The following ALPK1 variants were observed in gnomAD, a reference collection of about 807,000 sequenced individuals.
ALPK1 encodes alpha kinase 1, also known as alpha-protein kinase 1.
ALPK1 carries 110 observed loss-of-function variants against 120.6 expected under a neutral mutation model. The observed-to-expected ratio is 0.91, with a 90% CI of 0.78 to 1.07. The LOEUF (loss-of-function observed/expected upper bound fraction) is 1.07, where lower values mean the gene tolerates loss of function less well. ALPK1 is among the 50% of genes least tolerant of loss of function. The pLI is 0.00. For synonymous variants in ALPK1, 582 were observed against 560.3 expected, an observed-to-expected ratio of 1.04 and a Z score of -0.55; for missense variants, 1,498 against 1,483.9, an observed-to-expected ratio of 1.01 and a Z score of -0.16.
chr4:112,390,681 T>C (rs1291737816), intron 4 of ALPK1, among the ~76,000 whole-genome samples: 4 of 152,184 alleles, frequency 2.6e-5, no homozygotes. Context: ...GCATGTGTGT[T>C]GAAATATATA....
At chr4:112,343,930 C>T (rs1453139845) in intron 2 of ALPK1, among the ~76,000 whole-genome samples, 1 of 152,192 alleles carries the variant, frequency 6.6e-6, no homozygotes, top group Non-Finnish European at 1.5e-5. Context: ...ATCCAGTTTA[C>T]CTCAGAGGTC....
chr4:112,408,960 T>C (rs989068603), intron 4 of ALPK1, among the ~76,000 whole-genome samples: 3 of 152,196 alleles, frequency 2.0e-5, no homozygotes, highest in Non-Finnish European at 2.9e-5. Context: ...GCATACTAAA[T>C]GAGACATGTA....
intron 4 of ALPK1, among the ~76,000 whole-genome samples, chr4:112,402,514 C>G (rs1184393522): frequency 6.6e-6 from 1 of 152,196 alleles, no homozygotes; most frequent in Non-Finnish European, 1.5e-5. Flanking sequence ...TCCTTTACCA[C>G]CTGACTCAGC....
intron 1 of ALPK1, among the ~76,000 whole-genome samples, chr4:112,308,500 A>G (rs1327280338): frequency 1.3e-5 from 2 of 151,874 alleles, no homozygotes; most frequent in Non-Finnish European, 2.9e-5. Flanking sequence ...CATTCATTTG[A>G]TCTTCAATCA....
At chr4:112,309,903 T>G (rs1212418667) in intron 1 of ALPK1, among the ~76,000 whole-genome samples, 5 of 152,260 alleles carry the variant, frequency 3.3e-5, no homozygotes, top group African/African-American at 1.2e-4. Flanking sequence ...GTGGCCACTT[T>G]GTCCTGTTAG....
intron 2 of ALPK1, among the ~76,000 whole-genome samples, chr4:112,367,528 G>C (rs1276669022): frequency 6.6e-6 from 1 of 152,138 alleles, no homozygotes; most frequent in Non-Finnish European, 1.5e-5. Context: ...GTAATCTAGA[G>C]ATGATTTAAA....
intron 4 of ALPK1, among the ~76,000 whole-genome samples, chr4:112,410,152 TTG>T (rs1227702951): frequency 1.3e-5 from 2 of 152,188 alleles, no homozygotes; most frequent in Non-Finnish European, 2.9e-5. Context: ...ATCTCTGAAC[TTG>T]CTTTGTGCAA....
chr4:112,434,785 T>G (rs1348165223), intron 11 of ALPK1, among the ~76,000 whole-genome samples: 1 of 152,192 alleles, frequency 6.6e-6, no homozygotes. Context: ...AATAGTAAGT[T>G]GCAAGCATGT....
intron 5 of ALPK1, among the ~76,000 whole-genome samples, chr4:112,420,327 G>T (rs1202575663): frequency 6.6e-6 from 1 of 152,158 alleles, no homozygotes; most frequent in Non-Finnish European, 1.5e-5. Flanking sequence ...CAAAGTTAGT[G>T]GCCTAAAACA....
At position 112,412,011 on chromosome 4, in the gene ALPK1, TC is replaced by T. The variant is rs1560676320; in HGVS notation, c.462del (p.Ser155ProfsTer2). The part of the protein sequence containing the change: ...APQVVIRQAR[I>X]SVNSGKLLKA... ...CAGGTGGTTATTCGCCAAGCCCGAATCTCCGTGAACTCAGGTATGCTCCCTC... is the reference window on the plus strand; with the variant it reads ...CAGGTGGTTATTCGCCAAGCCCGAATTCCGTGAACTCAGGTATGCTCCCTC... On this transcript the variant is annotated frameshift_variant, in exon 5 of 16. Transcript: ENST00000650871. LOFTEE classifies it high-confidence loss of function. 6.2e-7 allele frequency: 1 copy of T among 1,614,020 alleles called. No individual in the cohort carries two copies. The highest frequency in any genetic ancestry group is 1.1e-5 in the South Asian group (1 of 91,074).
chr4:112,369,478 C>T (rs1578507912), intron 2 of ALPK1, among the ~76,000 whole-genome samples: 1 of 152,092 alleles, frequency 6.6e-6, no homozygotes, highest in African/African-American at 2.4e-5. Flanking sequence ...GACCAGAATA[C>T]CTTTTCCTAT....
In ALPK1 at chr4:112,435,142, T is replaced by TC. The variant is rs1734733701; in HGVS notation, c.3035-3dup. On this transcript the variant is annotated splice_region_variant and splice_polypyrimidine_tract_variant and intron_variant, in intron 11 of 15. Transcript: ENST00000650871. ...TAAGATTCATTTTCATCTTTTTTTT[T>TC]CCCAGGTGCTCTTTTGTTAAAATAT... 4 of 1,596,684 alleles carry TC rather than the reference T, an allele frequency of 2.5e-6. No homozygotes were observed. The African/African-American group carries it at 5.4e-5, about 22-fold the overall frequency.
At chr4:112,385,270 T>C (rs985872271) in intron 4 of ALPK1, among the ~76,000 whole-genome samples, 2 of 152,196 alleles carry the variant, frequency 1.3e-5, no homozygotes, top group South Asian at 4.1e-4. Flanking sequence ...CTGCTCATAG[T>C]TGGAGTAGAC....
At chr4:112,373,809 A>G (rs1351314738) in intron 2 of ALPK1, among the ~76,000 whole-genome samples, 1 of 152,250 alleles carries the variant, frequency 6.6e-6, no homozygotes, top group Non-Finnish European at 1.5e-5. Flanking sequence ...TGTTTACACC[A>G]TACTATAGTC....
chr4:112,418,627 T>A (rs1362177800), intron 5 of ALPK1, among the ~76,000 whole-genome samples: 1 of 152,148 alleles, frequency 6.6e-6, no homozygotes, highest in African/African-American at 2.4e-5. Flanking sequence ...CACCCCACGA[T>A]GACAAGGCTT....
At chr4:112,321,966 G>A (rs1728884797) in intron 2 of ALPK1, among the ~76,000 whole-genome samples, 2 of 152,172 alleles carry the variant, frequency 1.3e-5, no homozygotes, top group African/African-American at 4.8e-5. Flanking sequence ...GTACTGATAA[G>A]TGCCACCAGT....
chr4:112,327,683 G>C (rs1348875539), intron 2 of ALPK1, among the ~76,000 whole-genome samples: 1 of 152,170 alleles, frequency 6.6e-6, no homozygotes, highest in East Asian at 1.9e-4. Flanking sequence ...GGCATCAGGT[G>C]ATCCTCCTGC....
At chr4:112,335,820 G>A (rs1729594461) in intron 2 of ALPK1, among the ~76,000 whole-genome samples, 1 of 152,136 alleles carries the variant, frequency 6.6e-6, no homozygotes, top group Non-Finnish European at 1.5e-5. Flanking sequence ...TCCTGAGGAG[G>A]ACAGGTGCAG....
chr4:112,372,914 T>C (rs1002302802), intron 2 of ALPK1, among the ~76,000 whole-genome samples: 1 of 152,200 alleles, frequency 6.6e-6, no homozygotes, highest in African/African-American at 2.4e-5. Context: ...GATGATGTGC[T>C]ACTAAAATTA....
Sources: allele counts gnomAD v4.1 joint callset (sites outside exome capture counted in the v4.1 genomes callset), GRCh38; gene constraint gnomAD v4.1.1; transcripts MANE v1.5; gene names NCBI Gene and HGNC (gene_info 2026-07-23, HGNC 2026-07-21).